The following MDGA2 variants were observed in gnomAD, a reference collection of about 807,000 sequenced individuals.
MDGA2 encodes MAM domain containing glycosylphosphatidylinositol anchor 2, also known as MAM domain-containing glycosylphosphatidylinositol anchor protein 2.
Under a neutral mutation model 117.8 loss-of-function variants are expected in MDGA2, and 40 were observed. That is an observed-to-expected ratio of 0.34 (90% CI 0.26 to 0.44). The LOEUF (loss-of-function observed/expected upper bound fraction) is 0.44, where lower values mean the gene tolerates loss of function less well. Ranked by LOEUF, MDGA2 falls within the 20% of genes least tolerant of loss-of-function variation. The pLI is 1.00. For missense variants in MDGA2, 1,123 were observed against 1,250.6 expected (o/e 0.90, Z 1.54); for synonymous variants, 452 against 439.0 (o/e 1.03, Z -0.37).
At chr14:47,192,054 G>C (rs1017420674) in intron 3 of MDGA2, among the ~76,000 whole-genome samples, 22 of 152,142 alleles carry the variant, frequency 1.4e-4, no homozygotes, top group Non-Finnish European at 2.5e-4. Flanking sequence ...AATCTAAACT[G>C]TGCTCAAGTG....
chr14:46,944,082 T>G (rs1296463271), intron 9 of MDGA2, among the ~76,000 whole-genome samples: 1 of 152,074 alleles, frequency 6.6e-6, no homozygotes, highest in Non-Finnish European at 1.5e-5. Flanking sequence ...CATTTATTTT[T>G]ATAGATCCTG....
intron 1 of MDGA2, among the ~76,000 whole-genome samples, chr14:47,368,552 G>A (rs1449777397): frequency 3.3e-5 from 5 of 152,206 alleles, no homozygotes; most frequent in Admixed American, 6.5e-5. Context: ...TATGCTTTGC[G>A]GGGGCAAGAA....
Position 47,097,088 on chromosome 14 carries a change from T to A in MDGA2, c.961A>T (p.Ile321Leu). 6.2e-7 allele frequency: 1 copy of A among 1,613,196 alleles called. No homozygotes were observed. The highest frequency in any genetic ancestry group is 8.5e-7 in the Non-Finnish European group (1 of 1,179,352). ...ATGGCCTCTCCAGGATTTACAACTATAGGATCATCCACCAAGAGTTTAATT... is the reference window on the plus strand; with the variant it reads ...ATGGCCTCTCCAGGATTTACAACTAAAGGATCATCCACCAAGAGTTTAATT... Reference protein sequence around the residue: ...PSIKLLVDDPIVVNPGEAITL... With the variant: ...PSIKLLVDDPLVVNPGEAITL... Residue 321 changes from isoleucine (I) to leucine (L), a missense_variant, in exon 6 of 17, where the codon ATA (isoleucine) becomes TTA (leucine). Around this residue, in one of 2 missense-constraint regions of MDGA2, gnomAD observed 890 missense variants for 1,050.3 expected, o/e 0.85. Transcript: ENST00000399232.
At chr14:46,935,804 C>T (rs8018914) in intron 9 of MDGA2, among the ~76,000 whole-genome samples, 10,631 of 152,078 alleles carry the variant, frequency 0.07, 625 homozygotes, top group African/African-American at 0.15. Context: ...GTGTGGAATG[C>T]AGGGATCGGT....
intron 10 of MDGA2, among the ~76,000 whole-genome samples, chr14:46,917,824 T>C (rs761532577): frequency 7.4e-4 from 113 of 152,300 alleles, no homozygotes; most frequent in Admixed American, 2.5e-3. Flanking sequence ...GAAAATGGTG[T>C]AGCATTTCCC....
At chr14:47,543,226 A>G (rs1895388640) in intron 1 of MDGA2, among the ~76,000 whole-genome samples, 1 of 152,148 alleles carries the variant, frequency 6.6e-6, no homozygotes, top group South Asian at 2.1e-4. Context: ...AACAGCAGAG[A>G]AAATAGATCT....
rs386381288 is a variant in MDGA2 at position 47,139,813 on chromosome 14, T to TA, written c.792+4264dup. ...ATATGTGTATATATATGTATATATA[T>TA]ACACACATATATATACACATATATA... is the stretch of plus-strand genomic sequence containing the variant. On this transcript the variant is annotated intron_variant, in intron 4 of 16. Coordinates refer to ENST00000399232, the MANE Select transcript of MDGA2 (RefSeq NM_001113498.3). 2.9e-4 allele frequency among the ~76,000 whole-genome samples: 42 copies of TA among 142,766 alleles called. 1 individual carries two copies. Among genetic ancestry groups the TA allele is most frequent in the African/African-American group, 1.0e-3 (39 of 38,192 alleles). The allele number at this position is 142,766 out of a possible 152,430, so 93.7% of individuals were successfully genotyped here.
chr14:46,846,111 A>C (rs1180085006), intron 15 of MDGA2, among the ~76,000 whole-genome samples: 1 of 151,684 alleles, frequency 6.6e-6, no homozygotes, highest in African/African-American at 2.4e-5. Flanking sequence ...TTAAAGCAAA[A>C]CTAAACTTAA....
intron 8 of MDGA2, among the ~76,000 whole-genome samples, chr14:47,032,642 T>C (rs1399733516): frequency 1.3e-5 from 2 of 152,190 alleles, no homozygotes; most frequent in African/African-American, 4.8e-5. Context: ...AAAAACATTA[T>C]CTGAATTCCT....
intron 9 of MDGA2, among the ~76,000 whole-genome samples, chr14:46,929,624 T>C (rs1566530271): frequency 4.7e-4 from 16 of 34,192 alleles, no homozygotes; most frequent in South Asian, 1.3e-3. Flanking sequence ...TATATATATA[T>C]ATATATATAT....
In MDGA2 at chr14:47,504,857, G is replaced by A. The variant is rs892169189; in HGVS notation, c.280+169660C>T. Among the ~76,000 whole-genome samples, 9 of 152,222 alleles carry A rather than the reference G, an allele frequency of 5.9e-5. No individual in the cohort carries two copies. The South Asian group carries it at 1.0e-3, about 18-fold the overall frequency. On this transcript the variant is annotated intron_variant, in intron 1 of 16. Transcript: ENST00000399232. ...TCTTAGTAGTGGCTACACATACAAA[G>A]TAAATGAAATCAACATGCTGAAGAG...
chr14:46,891,378 T>A (rs769538033), intron 10 of MDGA2, among the ~76,000 whole-genome samples: 2 of 151,672 alleles, frequency 1.3e-5, no homozygotes, highest in African/African-American at 2.4e-5. Flanking sequence ...ACATACAGAA[T>A]AAATAATGTT....
intron 6 of MDGA2, among the ~76,000 whole-genome samples, chr14:47,088,323 A>G (rs1890985310): frequency 6.6e-6 from 1 of 152,106 alleles, no homozygotes; most frequent in African/African-American, 2.4e-5. Context: ...GGGAGGTGTA[A>G]TTACTACAGA....
In MDGA2 at chr14:47,593,815, C is replaced by T. The variant is rs1896486670; in HGVS notation, c.280+80702G>A. On this transcript the variant is annotated intron_variant, in intron 1 of 16. Transcript: ENST00000399232. Reference sequence around the variant, plus strand: ...AAGGGCTGATCTGTGCAGCAAACCACCATGGCACACGTTTACCTATCTAAC... The same window carrying T: ...AAGGGCTGATCTGTGCAGCAAACCATCATGGCACACGTTTACCTATCTAAC... Among the ~76,000 whole-genome samples, 2 of 152,080 alleles carry T rather than the reference C, an allele frequency of 1.3e-5. 1 individual carries two copies. The highest frequency in any genetic ancestry group is 4.1e-4 in the South Asian group (2 of 4,826).
At chr14:47,147,941 A>G (rs1234339709) in intron 3 of MDGA2, among the ~76,000 whole-genome samples, 1 of 152,134 alleles carries the variant, frequency 6.6e-6, no homozygotes, top group Non-Finnish European at 1.5e-5. Context: ...CTTGATCATA[A>G]TATCTTCTCA....
chr14:46,964,856 T>C (rs1272404487), intron 8 of MDGA2, among the ~76,000 whole-genome samples: 1 of 151,364 alleles, frequency 6.6e-6, no homozygotes. Context: ...TCCTTTTAAG[T>C]GGAAGAGGTT....
At chr14:47,604,915 AC>A (rs1299623539) in intron 1 of MDGA2, among the ~76,000 whole-genome samples, 1 of 152,124 alleles carries the variant, frequency 6.6e-6, no homozygotes, top group Non-Finnish European at 1.5e-5. Context: ...CCTGCACAGG[AC>A]TGCTCATTAC....
At chr14:47,621,005 A>C (rs955697961) in intron 1 of MDGA2, among the ~76,000 whole-genome samples, 2 of 152,200 alleles carry the variant, frequency 1.3e-5, no homozygotes, top group Non-Finnish European at 2.9e-5. Flanking sequence ...ATACTTCAAC[A>C]TAACAAATAT....
chr14:47,042,509 G>C (rs1288948350), intron 7 of MDGA2, among the ~76,000 whole-genome samples: 1 of 152,050 alleles, frequency 6.6e-6, no homozygotes, highest in African/African-American at 2.4e-5. Context: ...TATCACACTT[G>C]AGTGCTGTTT....
Sources: gnomAD v4.1 joint callset for allele counts (sites outside exome capture counted in the v4.1 genomes callset) on GRCh38, gnomAD v4.1.1 for gene constraint, gnomAD v4.1.1 regional missense constraint, MANE v1.5 for transcripts, NCBI Gene and HGNC (gene_info 2026-07-23, HGNC 2026-07-21) for gene names.